XDH: variants seen among roughly 807,000 people sequenced by gnomAD.
XDH encodes the protein xanthine dehydrogenase/oxidase.
In XDH, 138 loss-of-function variants were observed where a neutral mutation model predicts 156.1. The observed-to-expected ratio is 0.88, with a 90% CI of 0.77 to 1.02. The LOEUF (loss-of-function observed/expected upper bound fraction) is 1.02. XDH is among the 50% of genes least tolerant of loss of function. The pLI is 0.00. For missense variants in XDH, 1,849 were observed against 1,684.9 expected (o/e 1.10, Z -1.71); for synonymous variants, 669 against 625.7 (o/e 1.07, Z -1.03).
At chr2:31,360,372 G>A (rs757567036) in intron 24 of XDH, among the ~76,000 whole-genome samples, 1 of 152,048 alleles carries the variant, frequency 6.6e-6, no homozygotes. Flanking sequence ...GTGGGGCAGG[G>A]CACTTGTAAT....
intron 1 of XDH, among the ~76,000 whole-genome samples, chr2:31,408,122 A>G (rs1271765729): frequency 1.3e-5 from 2 of 152,122 alleles, no homozygotes; most frequent in Non-Finnish European, 2.9e-5. Flanking sequence ...CCTTTTCAAT[A>G]TATTCCCAAT....
At chr2:31,367,049 C>T in intron 20 of XDH, 55 bp from the exon 21 acceptor site, 3 of 1,613,428 alleles carry the variant, frequency 1.9e-6, no homozygotes, top group African/African-American at 1.3e-5. Flanking sequence ...AAGGGGCCAG[C>T]TTGCCTAAGG....
chr2:31,392,696 TA>T (rs1393105889), intron 6 of XDH, among the ~76,000 whole-genome samples: 1 of 152,208 alleles, frequency 6.6e-6, no homozygotes, highest in African/African-American at 2.4e-5. Flanking sequence ...GTGCTGGGAT[TA>T]CAGGCATGAG....
At chr2:31,391,454 A>G (rs1686760286) in intron 6 of XDH, among the ~76,000 whole-genome samples, 1 of 152,036 alleles carries the variant, frequency 6.6e-6, no homozygotes, top group South Asian at 2.1e-4. Context: ...TTTGTTCTCT[A>G]TTCTCCTTCA....
At chr2:31,372,439 C>T (rs777942893) in intron 16 of XDH, 42 bp from the exon 17 acceptor site, 9 of 1,613,206 alleles carry the variant, frequency 5.6e-6, no homozygotes, top group Admixed American at 3.3e-5. Context: ...CTGCCAAGGA[C>T]ACTGCCCCTC....
chr2:31,387,801 C>T lies in XDH; in HGVS notation c.651+10G>A. 6.4e-7 allele frequency: 1 copy of T among 1,572,574 alleles called. No homozygotes were observed. Among genetic ancestry groups the T allele is most frequent in the African/African-American group, 1.3e-5 (1 of 74,512 alleles). ...GACCCGGCTGGATCTGTCCCTGAGG[C>T]ATCACCTACCAGCAACTCTGGGGGA... On this transcript the variant is annotated intron_variant, in intron 8 of 35. Transcript: ENST00000379416.
chr2:31,357,689 AAAAT>A (rs1685662040), intron 24 of XDH, among the ~76,000 whole-genome samples: 1 of 152,112 alleles, frequency 6.6e-6, no homozygotes, highest in East Asian at 1.9e-4. Flanking sequence ...CGTATATTTA[AAAAT>A]AAATAAGAGT....
rs553426035 is a variant in XDH, at chr2:31,346,842, G to A, written c.3278C>T (p.Ala1093Val). 6.0e-5 allele frequency: 97 copies of A among 1,613,876 alleles called. No individual in the cohort carries two copies. Among genetic ancestry groups the A allele is most frequent in the Middle Eastern group, 5.0e-4 (3 of 6,022 alleles). Residue 1093 changes from alanine (A) to valine (V), a missense_variant and splice_region_variant, in exon 30 of 36, where the codon GCG (alanine) becomes GTG (valine). Transcript: ENST00000379416. ...SADLNGQAVY[A>V]ACQTILKRLE... The stretch of plus-strand genomic sequence containing the variant: ...CCTTTTCAAGATGGTCTGACAAGCC[G>A]CCTAAAGTAAACACCCCCCACACCC...
At chr2:31,405,396 A>T (rs1402972589) in intron 2 of XDH, among the ~76,000 whole-genome samples, 1 of 152,114 alleles carries the variant, frequency 6.6e-6, no homozygotes, top group African/African-American at 2.4e-5. Flanking sequence ...CTTTCTAAGG[A>T]GTCCCCCCAC....
intron 29 of XDH, 97 bp downstream of exon 29, chr2:31,347,425 C>T: frequency 6.3e-7 from 1 of 1,577,200 alleles, no homozygotes; most frequent in South Asian, 1.1e-5. Context: ...AGCCAAAGAG[C>T]CTGCAAGGAA....
At chr2:31,398,025 C>T (rs1686955911) in intron 5 of XDH, among the ~76,000 whole-genome samples, 1 of 152,204 alleles carries the variant, frequency 6.6e-6, no homozygotes, top group Non-Finnish European at 1.5e-5. Context: ...TATCAGACTA[C>T]ATTACAAACT....
At chr2:31,357,943 G>C (rs1035587833) in intron 24 of XDH, among the ~76,000 whole-genome samples, 2 of 151,818 alleles carry the variant, frequency 1.3e-5, no homozygotes, top group African/African-American at 4.8e-5. Context: ...AATAGTCCTA[G>C]AACTATTAAG....
intron 15 of XDH, 120 bp from the exon 16 acceptor site, chr2:31,374,076 C>T: frequency 9.8e-7 from 1 of 1,018,106 alleles, no homozygotes; most frequent in Non-Finnish European, 1.5e-6. Context: ...ACTTCATACG[C>T]CTTTGAGTGC....
At chr2:31,403,502 G>T (rs972458297) in intron 2 of XDH, among the ~76,000 whole-genome samples, 5 of 152,068 alleles carry the variant, frequency 3.3e-5, no homozygotes, top group Non-Finnish European at 7.4e-5. Context: ...CTGAGCATAC[G>T]GGGCAGTTCT....
At chr2:31,382,898 A>G in intron 11 of XDH, 103 bp downstream of exon 11, 1 of 1,559,078 alleles carries the variant, frequency 6.4e-7, no homozygotes, top group East Asian at 2.3e-5. Flanking sequence ...TCTAAGCGCT[A>G]AAGTTTGAGG....
intron 1 of XDH, among the ~76,000 whole-genome samples, chr2:31,411,262 C>T (rs944723782): frequency 1.4e-5 from 2 of 142,012 alleles, no homozygotes; most frequent in Non-Finnish European, 3.0e-5. Flanking sequence ...GCCTGGGCGA[C>T]ACAGTGAAAC....
At chr2:31,374,582 C>T (rs1686175294) in intron 15 of XDH, among the ~76,000 whole-genome samples, 1 of 152,274 alleles carries the variant, frequency 6.6e-6, no homozygotes, top group South Asian at 2.1e-4. Flanking sequence ...CAGTGGTTTT[C>T]TCTGGGATTT....
intron 29 of XDH, 44 bp from the exon 30 acceptor site, chr2:31,346,887 C>T (rs753930744): frequency 2.5e-6 from 4 of 1,612,802 alleles, no homozygotes; most frequent in Non-Finnish European, 3.4e-6. Context: ...CAGTCCTCTG[C>T]ATTCTGTAGC....
intron 24 of XDH, among the ~76,000 whole-genome samples, chr2:31,353,656 T>C (rs766538723): frequency 7.2e-5 from 11 of 152,184 alleles, no homozygotes; most frequent in Non-Finnish European, 1.5e-4. Flanking sequence ...AAGCTCACTA[T>C]ATATTCCAAA....
Sources: allele counts gnomAD v4.1 joint callset (sites outside exome capture counted in the v4.1 genomes callset), GRCh38; gene constraint gnomAD v4.1.1; transcripts MANE v1.5; gene names NCBI Gene and HGNC (gene_info 2026-07-23, HGNC 2026-07-21).